Variants in MACROD2 observed in about 807,000 individuals in gnomAD.
The protein encoded by MACROD2 is mono-ADP ribosylhydrolase 2.
A neutral mutation model predicts 70.4 loss-of-function variants in MACROD2; 36 were observed. That is an observed-to-expected ratio of 0.51 (90% CI 0.39 to 0.68). The LOEUF (loss-of-function observed/expected upper bound fraction) is 0.68, where lower values mean the gene tolerates loss of function less well. MACROD2 is among the 30% of genes least tolerant of loss of function. The pLI, the probability that MACROD2 is intolerant of heterozygous loss-of-function variation, is 0.00. For synonymous variants in MACROD2, 172 were observed against 178.8 expected (o/e 0.96, Z 0.30); for missense variants, 496 against 538.4 (o/e 0.92, Z 0.78).
At chr20:14,698,488 C>T (rs1173278185) in intron 5 of MACROD2, among the ~76,000 whole-genome samples, 1 of 152,128 alleles carries the variant, frequency 6.6e-6, no homozygotes, top group African/African-American at 2.4e-5. Flanking sequence ...TCAGTAAGAT[C>T]ACCCCAACTA....
chr20:15,360,514 C>CT (rs1287093525), intron 6 of MACROD2, among the ~76,000 whole-genome samples: 1 of 151,940 alleles, frequency 6.6e-6, no homozygotes, highest in Non-Finnish European at 1.5e-5. Flanking sequence ...TCAATTATGT[C>CT]TATTTTTTCT....
chr20:15,165,955 A>G (rs909775114), intron 5 of MACROD2, among the ~76,000 whole-genome samples: 2 of 152,216 alleles, frequency 1.3e-5, no homozygotes, highest in East Asian at 1.9e-4. Flanking sequence ...AACATAGATG[A>G]ACCTCAAGGA....
intron 3 of MACROD2, among the ~76,000 whole-genome samples, chr20:14,232,794 A>G (rs2081829709): frequency 6.6e-6 from 1 of 152,250 alleles, no homozygotes; most frequent in Admixed American, 6.5e-5. Flanking sequence ...GTTTCCTTCA[A>G]GAAATTTTCC....
chr20:14,332,673 C>T (rs2082866353), intron 3 of MACROD2, among the ~76,000 whole-genome samples: 1 of 152,034 alleles, frequency 6.6e-6, no homozygotes, highest in Non-Finnish European at 1.5e-5. Flanking sequence ...TAAAAATATT[C>T]AATCTAAAAT....
At chr20:15,632,577 A>G (rs1275259978) in intron 8 of MACROD2, among the ~76,000 whole-genome samples, 1 of 152,220 alleles carries the variant, frequency 6.6e-6, no homozygotes, top group Non-Finnish European at 1.5e-5. Flanking sequence ...CAGATATAAA[A>G]TAACAAATGA....
intron 5 of MACROD2, among the ~76,000 whole-genome samples, chr20:14,833,766 T>A (rs2122243314): frequency 6.6e-6 from 1 of 152,238 alleles, no homozygotes; most frequent in South Asian, 2.1e-4. Context: ...TCTGCCTTAC[T>A]TTTTTATTTT....
At chr20:15,561,796 G>T (rs2048248069) in intron 8 of MACROD2, among the ~76,000 whole-genome samples, 1 of 152,036 alleles carries the variant, frequency 6.6e-6, no homozygotes, top group African/African-American at 2.4e-5. Flanking sequence ...GAACCCTGGG[G>T]CGTGCCGAGG....
At chr20:15,281,381 G>T (rs566014801) in intron 6 of MACROD2, among the ~76,000 whole-genome samples, 2 of 152,264 alleles carry the variant, frequency 1.3e-5, no homozygotes, top group South Asian at 4.1e-4. Flanking sequence ...CTGAGACAAG[G>T]CAAGTCCCTT....
At chr20:15,386,254 G>T (rs902759899) in intron 6 of MACROD2, among the ~76,000 whole-genome samples, 4 of 152,166 alleles carry the variant, frequency 2.6e-5, no homozygotes, top group Admixed American at 1.3e-4. Flanking sequence ...TGTTATATCT[G>T]CAAGATCTTC....
At chr20:15,340,094 A>AACT (rs926845828) in intron 6 of MACROD2, among the ~76,000 whole-genome samples, 1 of 145,432 alleles carries the variant, frequency 6.9e-6, no homozygotes, top group African/African-American at 2.5e-5. Flanking sequence ...GTCCTTTGTC[A>AACT]ACTTTTCTTT....
intron 3 of MACROD2, among the ~76,000 whole-genome samples, chr20:14,103,633 A>G (rs2054327709): frequency 6.6e-6 from 1 of 152,160 alleles, no homozygotes; most frequent in South Asian, 2.1e-4. Context: ...TTCAGTGTTT[A>G]TGCTTCTGGT....
chr20:14,930,766 T>A (rs1457837985), intron 5 of MACROD2, among the ~76,000 whole-genome samples: 1 of 71,648 alleles, frequency 1.4e-5, no homozygotes, highest in Non-Finnish European at 2.5e-5. Context: ...GAGCGTGTCT[T>A]AAAAAAAAAA....
intron 5 of MACROD2, among the ~76,000 whole-genome samples, chr20:14,847,182 T>A (rs1003260249): frequency 6.6e-6 from 1 of 152,222 alleles, no homozygotes; most frequent in Non-Finnish European, 1.5e-5. Context: ...AAGTTAATTC[T>A]CATATTCTAA....
chr20:15,949,565 C>T (rs1269034272), intron 12 of MACROD2, among the ~76,000 whole-genome samples: 5 of 152,156 alleles, frequency 3.3e-5, no homozygotes, highest in African/African-American at 1.2e-4. Flanking sequence ...CAAGCAGAAA[C>T]ACCTAAGAAA....
intron 3 of MACROD2, among the ~76,000 whole-genome samples, chr20:14,354,333 T>G (rs1220079192): frequency 1.3e-5 from 2 of 152,182 alleles, no homozygotes; most frequent in Non-Finnish European, 2.9e-5. Flanking sequence ...ATGGCTTGTG[T>G]TTTTACATTT....
intron 13 of MACROD2, among the ~76,000 whole-genome samples, chr20:15,978,692 T>C (rs1019635834): frequency 5.9e-5 from 9 of 152,096 alleles, no homozygotes; most frequent in Non-Finnish European, 1.2e-4. Flanking sequence ...TTTTCAAAAG[T>C]GGAAAGGTCT....
At chr20:14,520,963 ACACACACACACG>A (rs1308623765) in intron 4 of MACROD2, among the ~76,000 whole-genome samples, 1 of 94,964 alleles carries the variant, frequency 1.1e-5, no homozygotes, top group Non-Finnish European at 2.1e-5. Flanking sequence ...GCGCGCACAC[ACACACACACACG>A]CACACACACA....
chr20:15,176,335 C>A (rs1467457443), intron 5 of MACROD2, among the ~76,000 whole-genome samples: 1 of 152,188 alleles, frequency 6.6e-6, no homozygotes, highest in Non-Finnish European at 1.5e-5. Flanking sequence ...AAGCCTGAAG[C>A]CTGTGGGCTG....
chr20:15,641,656 T>G (rs1336559715), intron 8 of MACROD2, among the ~76,000 whole-genome samples: 1 of 152,190 alleles, frequency 6.6e-6, no homozygotes, highest in Non-Finnish European at 1.5e-5. Flanking sequence ...CACACAAGCG[T>G]CTTACACCTC....
Sources: allele counts gnomAD v4.1 joint callset (sites outside exome capture counted in the v4.1 genomes callset), GRCh38; gene constraint gnomAD v4.1.1; transcripts MANE v1.5; gene names NCBI Gene and HGNC (gene_info 2026-07-23, HGNC 2026-07-21).